Variants in UNC13B observed in about 807,000 individuals in gnomAD.
UNC13B encodes the protein unc-13 homolog B.
Under a neutral mutation model 211.0 loss-of-function variants are expected in UNC13B, and 144 were observed. The ratio of observed to expected loss-of-function variants is 0.68; its 90% CI spans 0.60 to 0.78. UNC13B has a LOEUF of 0.78. UNC13B is among the 30% of genes least tolerant of loss of function. UNC13B has a pLI of 0.00. For synonymous variants in UNC13B, 709 were observed against 725.8 expected (o/e 0.98, Z 0.37); for missense variants, 1,777 against 2,002.0 (o/e 0.89, Z 2.14).
intron 11 of UNC13B, among the ~76,000 whole-genome samples, chr9:35,315,072 T>C (rs1010300336): frequency 6.8e-6 from 1 of 147,242 alleles, no homozygotes; most frequent in Non-Finnish European, 1.5e-5. Context: ...TTTTTTTTTT[T>C]GTAGATGCAG....
chr9:35,331,250 GTTTTC>G (rs1564141205), intron 11 of UNC13B, among the ~76,000 whole-genome samples: 2 of 151,928 alleles, frequency 1.3e-5, no homozygotes, highest in African/African-American at 4.8e-5. Flanking sequence ...TTGTTTTTTC[GTTTTC>G]TTTTGTTTTT....
intron 13 of UNC13B, among the ~76,000 whole-genome samples, chr9:35,374,524 G>A (rs1468196647): frequency 6.6e-6 from 1 of 151,500 alleles, no homozygotes; most frequent in Admixed American, 6.6e-5. Flanking sequence ...CTATGCAAGA[G>A]TGTGGCTAGC....
intron 7 of UNC13B, chr9:35,290,993 A>T (rs1232777522): frequency 6.9e-7 from 1 of 1,445,074 alleles, no homozygotes; most frequent in Non-Finnish European, 9.5e-7. Context: ...AATTGCTGAG[A>T]TGGGGAAATG....
rs529803896 is a variant in UNC13B, at chr9:35,397,028, C to T, written c.11532+91C>T. 2.2e-5 allele frequency: 36 copies of T among 1,600,644 alleles called. No individual in the cohort carries two copies. In the African/African-American group the frequency reaches 4.5e-4, roughly 20 times the overall value. On this transcript the variant is annotated intron_variant, in intron 28 of 39. Coordinates refer to ENST00000635942, the MANE Select transcript of UNC13B (RefSeq NM_001371189.2). The stretch of plus-strand genomic sequence containing the variant: ...AGTTCCTGGGCTTTGGCCAGGATGG[C>T]TATGCCTGCCCTGTGGAGTTCACAG...
intron 26 of UNC13B, 133 bp from the exon 27 acceptor site, chr9:35,396,343 G>T (rs891743228): frequency 4.5e-6 from 5 of 1,104,226 alleles, no homozygotes; most frequent in African/African-American, 1.6e-5. Context: ...ATGGCTGTGA[G>T]AAGGAGGTTG....
chr9:35,398,512 TA>T, intron 31 of UNC13B, 41 bp from the exon 32 acceptor site: 1 of 1,593,438 alleles, frequency 6.3e-7, no homozygotes, highest in Non-Finnish European at 8.6e-7. Flanking sequence ...TAGAAGAGGG[TA>T]AGAAAAGCAG....
chr9:35,355,884 G>A (rs1412475484), intron 11 of UNC13B, among the ~76,000 whole-genome samples: 2 of 152,270 alleles, frequency 1.3e-5, no homozygotes, highest in South Asian at 2.1e-4. Flanking sequence ...AAATATTGGT[G>A]GGAGCTGATG....
chr9:35,162,588 G>A (rs1017796544), intron 1 of UNC13B, among the ~76,000 whole-genome samples: 1 of 152,256 alleles, frequency 6.6e-6, no homozygotes, highest in Non-Finnish European at 1.5e-5. Flanking sequence ...GGGTTCTCTA[G>A]TGAGAGTGGA....
At chr9:35,403,382 G>T in intron 38 of UNC13B, 58 bp from the exon 39 acceptor site, 1 of 1,605,462 alleles carries the variant, frequency 6.2e-7, no homozygotes. Flanking sequence ...GGTCACCTGG[G>T]GTTCAAGAAC....
chr9:35,348,512 AC>A (rs1832513959), intron 11 of UNC13B, among the ~76,000 whole-genome samples: 1 of 152,146 alleles, frequency 6.6e-6, no homozygotes. Context: ...ACTGCTGCAG[AC>A]CATTAGAAGG....
intron 1 of UNC13B, among the ~76,000 whole-genome samples, chr9:35,199,603 G>A (rs1235155013): frequency 1.3e-5 from 2 of 152,180 alleles, no homozygotes; most frequent in African/African-American, 4.8e-5. Context: ...GTGATGATGA[G>A]CATTTTTTCA....
chr9:35,351,350 A>G (rs1832707890), intron 11 of UNC13B: 4 of 1,225,536 alleles, frequency 3.3e-6, no homozygotes, highest in South Asian at 4.3e-5. Context: ...GAGGCCACAC[A>G]TGGGGCCATT....
intron 11 of UNC13B, among the ~76,000 whole-genome samples, chr9:35,355,584 A>C (rs979428271): frequency 1.1e-4 from 17 of 152,234 alleles, no homozygotes; most frequent in African/African-American, 4.1e-4. Context: ...CTTTGCTGTC[A>C]TACAAATTTG....
intron 7 of UNC13B, among the ~76,000 whole-genome samples, chr9:35,270,865 G>T (rs1390087380): frequency 6.6e-6 from 1 of 152,080 alleles, no homozygotes; most frequent in Non-Finnish European, 1.5e-5. Context: ...TTTCGGCCAG[G>T]CACGGTGGCT....
intron 7 of UNC13B, among the ~76,000 whole-genome samples, chr9:35,294,775 G>A (rs1829266518): frequency 6.6e-6 from 1 of 152,130 alleles, no homozygotes; most frequent in South Asian, 2.1e-4. Flanking sequence ...TGTCAGATAC[G>A]ACTTCCTCTC....
chr9:35,349,087 T>G (rs1251559479), intron 11 of UNC13B, among the ~76,000 whole-genome samples: 1 of 152,046 alleles, frequency 6.6e-6, no homozygotes, highest in Non-Finnish European at 1.5e-5. Flanking sequence ...CCAGCTAATT[T>G]TTATATTTTT....
Position 35,302,928 on chromosome 9 carries a change from A to G in UNC13B, c.3524A>G (p.His1175Arg), listed in dbSNP as rs559901510. The G allele has an allele frequency of 3.3e-5, 13 of 398,718 alleles. No homozygotes were observed. The highest frequency in any genetic ancestry group is 1.6e-4 in the African/African-American group (8 of 48,748). 24.7% of individuals were successfully genotyped at this position (398,718 alleles called of 1,614,324 possible). A position where few individuals can be genotyped will look rare whatever the true frequency, so the allele number is the denominator to read the frequency against. ...ELNLKNDDSH[H>R]KNNTPGLISG... Reference sequence around the variant, plus strand: ...AATTTGAAAAATGATGACTCCCATCACAAGAATAATACCCCAGGTTTAATC... The same window carrying G: ...AATTTGAAAAATGATGACTCCCATCGCAAGAATAATACCCCAGGTTTAATC... The change falls in exon 9 of 40, where the codon CAC becomes CGC. Residue 1175 changes from histidine (H) to arginine (R), a missense_variant. Physicochemically the swap from His to Arg is conservative, Grantham distance 29. Coordinates refer to ENST00000635942, the MANE Select transcript of UNC13B (RefSeq NM_001371189.2).
At chr9:35,297,289 A>T (rs1829413983) in intron 8 of UNC13B, among the ~76,000 whole-genome samples, 1 of 150,888 alleles carries the variant, frequency 6.6e-6, no homozygotes, top group African/African-American at 2.4e-5. Context: ...GGGTTTCATC[A>T]TGTTGGTCAA....
At chr9:35,281,031 C>G (rs1009192697) in intron 7 of UNC13B, among the ~76,000 whole-genome samples, 1 of 151,950 alleles carries the variant, frequency 6.6e-6, no homozygotes. Context: ...GGGTGGATCA[C>G]GAGGTCAGGA....
Sources: gnomAD v4.1 joint callset for allele counts (sites outside exome capture counted in the v4.1 genomes callset) on GRCh38, gnomAD v4.1.1 for gene constraint, MANE v1.5 for transcripts, NCBI Gene and HGNC (gene_info 2026-07-23, HGNC 2026-07-21) for gene names.